The following TBC1D1 variants were observed in gnomAD, a reference collection of about 807,000 sequenced individuals.
The protein encoded by TBC1D1 is TBC1 (tre-2/USP6, BUB2, cdc16) domain family, member 1.
In TBC1D1, 89 loss-of-function variants were observed where a neutral mutation model predicts 125.6. The observed-to-expected ratio is 0.71, with a 90% CI of 0.60 to 0.85. TBC1D1 has a LOEUF of 0.85. Ranked by LOEUF, TBC1D1 falls within the 40% of genes least tolerant of loss-of-function variation. TBC1D1 has a pLI of 0.00. For missense variants in TBC1D1, 1,377 were observed against 1,469.2 expected, an observed-to-expected ratio of 0.94 and a Z score of 1.03; for synonymous variants, 565 against 564.1, an observed-to-expected ratio of 1.00 and a Z score of -0.02.
chr4:37,941,970 C>G (rs1238448085), intron 2 of TBC1D1, among the ~76,000 whole-genome samples: 1 of 152,082 alleles, frequency 6.6e-6, no homozygotes, highest in Non-Finnish European at 1.5e-5. Context: ...GGAATAAGTG[C>G]GATGTGGTGC....
At chr4:38,003,206 C>G (rs183027428) in intron 2 of TBC1D1, among the ~76,000 whole-genome samples, 12 of 152,160 alleles carry the variant, frequency 7.9e-5, no homozygotes, top group Non-Finnish European at 1.3e-4. Flanking sequence ...AAATTTGTTG[C>G]AATTGTGTCT....
intron 2 of TBC1D1, among the ~76,000 whole-genome samples, chr4:37,976,649 CT>C (rs373150857): frequency 0.063 from 9,264 of 146,888 alleles, 924 homozygotes; most frequent in African/African-American, 0.22. Context: ...AACCTTTGGA[CT>C]TTTTTTTTTT....
intron 15 of TBC1D1, among the ~76,000 whole-genome samples, chr4:38,107,577 G>GTTTTTTTTTTTTTTTTTTTTTT (rs3038351): frequency 1.9e-5 from 1 of 53,104 alleles, no homozygotes; most frequent in African/African-American, 8.4e-5. Flanking sequence ...GTCTAAACAG[G>GTTTTTTTTTTTTTTTTTTTTTT]TTTTTTTTTT....
At chr4:37,965,757 A>T (rs956019238) in intron 2 of TBC1D1, among the ~76,000 whole-genome samples, 10 of 151,160 alleles carry the variant, frequency 6.6e-5, no homozygotes, top group Admixed American at 2.0e-4. Context: ...TATTTATTTT[A>T]TTTATTTATC....
intron 2 of TBC1D1, among the ~76,000 whole-genome samples, chr4:37,924,009 C>A (rs1367085719): frequency 6.6e-6 from 1 of 152,138 alleles, no homozygotes; most frequent in Non-Finnish European, 1.5e-5. Context: ...TCATTTGGCT[C>A]CTGTGTCTTG....
intron 2 of TBC1D1, among the ~76,000 whole-genome samples, chr4:37,978,817 A>T (rs1733781899): frequency 7.9e-6 from 1 of 125,842 alleles, no homozygotes. Context: ...GTACGTTGGA[A>T]AAGTTTATAT....
chr4:38,038,015 A>G (rs891024098), intron 8 of TBC1D1, among the ~76,000 whole-genome samples: 1 of 152,234 alleles, frequency 6.6e-6, no homozygotes, highest in Non-Finnish European at 1.5e-5. Flanking sequence ...ATGTTTGCCA[A>G]GTGCCAGATA....
intron 17 of TBC1D1, 179 bp downstream of exon 19, chr4:38,118,371 T>G: frequency 1.6e-6 from 1 of 640,656 alleles, no homozygotes; most frequent in Non-Finnish European, 2.6e-6. Context: ...CCTCCTTAAC[T>G]TCTGATAATC....
At chr4:37,972,026 G>C (rs1212469001) in intron 2 of TBC1D1, among the ~76,000 whole-genome samples, 1 of 152,156 alleles carries the variant, frequency 6.6e-6, no homozygotes, top group Non-Finnish European at 1.5e-5. Flanking sequence ...CCAATCATCT[G>C]AGACCCTCTA....
intron 13 of TBC1D1, among the ~76,000 whole-genome samples, chr4:38,093,365 A>G (rs898255498): frequency 3.3e-5 from 5 of 152,162 alleles, no homozygotes; most frequent in Non-Finnish European, 7.4e-5. Flanking sequence ...ATACTATGTC[A>G]TCTCAGTCTA....
rs556321687 is a variant in TBC1D1, at chr4:38,118,302, A to G, written c.2962+110A>G. On this transcript the variant is annotated intron_variant, in intron 17 of 19. Coordinates refer to ENST00000261439, the MANE Select transcript of TBC1D1 (RefSeq NM_015173.4). ...TTTTTATACCTGTAGCTCTTACCAG[A>G]ACAGGGTATTGTTTGATAGTCTAAG... is the stretch of plus-strand genomic sequence containing the variant. 18 of 1,312,840 alleles carry G rather than the reference A, an allele frequency of 1.4e-5. No homozygotes were observed. The East Asian group carries it at 4.0e-4, about 29-fold the overall frequency. The allele number at this position is 1,312,840 out of a possible 1,614,324, so 81.3% of individuals were successfully genotyped here. A position where few individuals can be genotyped will look rare whatever the true frequency, so the allele number is the denominator to read the frequency against.
intron 18 of TBC1D1, among the ~76,000 whole-genome samples, chr4:38,128,465 G>A (rs1765029825): frequency 6.6e-6 from 1 of 152,166 alleles, no homozygotes; most frequent in East Asian, 1.9e-4. Context: ...TAGATGTAAT[G>A]GATGCTTCCA....
At chr4:38,060,705 C>T (rs1752599687) in intron 12 of TBC1D1, 1 of 1,176,236 alleles carries the variant, frequency 8.5e-7, no homozygotes, top group Non-Finnish European at 1.1e-6. Context: ...AGACCTCATA[C>T]ACCTGTTGAT....
At chr4:38,084,102 T>G (rs1339487329) in intron 12 of TBC1D1, among the ~76,000 whole-genome samples, 2 of 152,154 alleles carry the variant, frequency 1.3e-5, no homozygotes, top group Non-Finnish European at 2.9e-5. Context: ...GGCGCCCGGC[T>G]AATTTTTTGT....
chr4:37,958,440 C>G (rs905394144), intron 2 of TBC1D1, among the ~76,000 whole-genome samples: 1 of 152,166 alleles, frequency 6.6e-6, no homozygotes, highest in African/African-American at 2.4e-5. Context: ...CGTAGCCATG[C>G]TTTCCTCTGT....
rs1356517048 is a variant in TBC1D1, at chr4:38,043,928, TAC to T, written c.1414-433_1414-432del. ...GAAAAGCTAATGATAGCTACCTTTC[TAC>T]CACGCTGTGTTCAATGTTTTACACA... is the stretch of plus-strand genomic sequence containing the variant. On this transcript the variant is annotated intron_variant, in intron 8 of 19. Transcript: ENST00000261439. 5.3e-5 allele frequency among the ~76,000 whole-genome samples: 8 copies of T among 152,358 alleles called. No individual in the cohort carries two copies. The East Asian group carries it at 1.5e-3, about 29-fold the overall frequency.
intron 2 of TBC1D1, among the ~76,000 whole-genome samples, chr4:37,949,230 T>C (rs1023835794): frequency 3.9e-5 from 6 of 152,218 alleles, no homozygotes; most frequent in Non-Finnish European, 8.8e-5. Context: ...GGAGACTTTT[T>C]TGACATATTT....
chr4:38,058,606 TTTTACA>T (rs1320300953), intron 12 of TBC1D1, among the ~76,000 whole-genome samples: 1 of 152,226 alleles, frequency 6.6e-6, no homozygotes, highest in East Asian at 1.9e-4. Flanking sequence ...TGACTGCCTG[TTTTACA>T]TTTATATTCT....
At chr4:38,019,119 G>A (rs77288776) in intron 4 of TBC1D1, among the ~76,000 whole-genome samples, 88 of 151,654 alleles carry the variant, frequency 5.8e-4, no homozygotes, top group African/African-American at 2.1e-3. Flanking sequence ...AGCTGTGCCA[G>A]TTTTACTCAG....
Sources: gnomAD v4.1 joint callset for allele counts (sites outside exome capture counted in the v4.1 genomes callset) on GRCh38, gnomAD v4.1.1 for gene constraint, MANE v1.5 for transcripts, NCBI Gene and HGNC (gene_info 2026-07-23, HGNC 2026-07-21) for gene names.